The following RPH3AL variants were observed in gnomAD, a reference collection of about 807,000 sequenced individuals.
The protein encoded by RPH3AL is rabphilin 3A like (without C2 domains).
A neutral mutation model predicts 43.1 loss-of-function variants in RPH3AL; 38 were observed. The ratio of observed to expected loss-of-function variants is 0.88; its 90% CI spans 0.68 to 1.15. The LOEUF is 1.15. Ranked by LOEUF, RPH3AL falls within the 50% of genes most tolerant of loss-of-function variation. RPH3AL has a pLI of 0.00. For missense variants in RPH3AL, 462 were observed against 423.2 expected (o/e 1.09, Z -0.81); for synonymous variants, 189 against 176.3 (o/e 1.07, Z -0.57).
intron 6 of RPH3AL, among the ~76,000 whole-genome samples, chr17:250,381 C>A (rs1191145265): frequency 2.8e-5 from 4 of 145,304 alleles, no homozygotes; most frequent in Admixed American, 6.8e-5. Flanking sequence ...CGCTGCGGGA[C>A]CTCTCAGAGC....
chr17:349,416 C>G (rs1399328299), intron 1 of RPH3AL: 4 of 152,172 alleles, frequency 2.6e-5, no homozygotes, highest in African/African-American at 9.7e-5. Flanking sequence ...CCCATTTCAC[C>G]CACATCTCCC....
chr17:232,965 A>G (rs987071566), intron 7 of RPH3AL, among the ~76,000 whole-genome samples: 1 of 151,716 alleles, frequency 6.6e-6, no homozygotes, highest in African/African-American at 2.4e-5. Context: ...TGCAGGGAGG[A>G]AAATGAACAG....
In RPH3AL at chr17:336,286, G is replaced by A. The variant is rs1048342696; in HGVS notation, c.-212-2352C>T. Among the ~76,000 whole-genome samples the A allele has an allele frequency of 6.6e-5, 10 of 152,198 alleles. No homozygotes were observed. In the East Asian group the frequency reaches 1.5e-3, roughly 23 times the overall value. ...ACATTTCCTCCACCTGTCAGGCGGC[G>A]CTGGGAGGATTAAAGACTCAGAGAG... On this transcript the variant is annotated intron_variant, in intron 1 of 9. Transcript: ENST00000331302.
rs2045245673 is a variant in RPH3AL, at chr17:346,834, T to C, written c.-213+5878A>G. Among the ~76,000 whole-genome samples, 2 of 136,074 alleles carry C rather than the reference T, an allele frequency of 1.5e-5. 1 individual carries two copies. The highest frequency in any genetic ancestry group is 3.4e-5 in the Non-Finnish European group (2 of 59,656). The allele number at this position is 136,074 out of a possible 152,430, so 89.3% of individuals were successfully genotyped here. A position where few individuals can be genotyped will look rare whatever the true frequency, so the allele number is the denominator to read the frequency against. On this transcript the variant is annotated intron_variant, in intron 1 of 9. Coordinates refer to ENST00000331302, the MANE Select transcript of RPH3AL (RefSeq NM_006987.4). ...CAATGAAAAGATGTCCAACATGATA[T>C]GTAATTAGGGAATTGCAAATTAAAA... is the stretch of plus-strand genomic sequence containing the variant.
intron 6 of RPH3AL, among the ~76,000 whole-genome samples, chr17:269,835 G>A (rs1364013752): frequency 6.6e-6 from 1 of 152,198 alleles, no homozygotes; most frequent in Admixed American, 6.5e-5. Context: ...TGCCTCAGAG[G>A]CAAACTTCTC....
At chr17:269,357 G>A (rs1320139205) in intron 6 of RPH3AL, among the ~76,000 whole-genome samples, 3 of 152,104 alleles carry the variant, frequency 2.0e-5, no homozygotes, top group Admixed American at 2.0e-4. Flanking sequence ...TTGCTTATTT[G>A]TTTATGTTTC....
At chr17:317,589 G>A (rs919656630) in intron 5 of RPH3AL, among the ~76,000 whole-genome samples, 5 of 152,074 alleles carry the variant, frequency 3.3e-5, no homozygotes, top group East Asian at 1.9e-4. Flanking sequence ...CAAGGCTGAA[G>A]GAGGAGCCCG....
At chr17:314,517 G>A (rs1487086448) in intron 5 of RPH3AL, among the ~76,000 whole-genome samples, 3 of 134,728 alleles carry the variant, frequency 2.2e-5, no homozygotes, top group Non-Finnish European at 4.7e-5. Context: ...CCATTGACCT[G>A]TAGTCCCTGT....
intron 6 of RPH3AL, among the ~76,000 whole-genome samples, chr17:260,341 C>G (rs1257656460): frequency 6.6e-6 from 1 of 152,198 alleles, no homozygotes; most frequent in Non-Finnish European, 1.5e-5. Flanking sequence ...GGCTGGAGCT[C>G]AGACTCGCCC....
chr17:282,339 G>A (rs1019213525), intron 5 of RPH3AL, among the ~76,000 whole-genome samples: 1 of 152,228 alleles, frequency 6.6e-6, no homozygotes, highest in Non-Finnish European at 1.5e-5. Flanking sequence ...AGAAATGCTG[G>A]TAACAACGTG....
chr17:224,991 C>T (rs8065720), intron 7 of RPH3AL, among the ~76,000 whole-genome samples: 54,244 of 145,794 alleles, frequency 0.37, 10,640 homozygotes, highest in East Asian at 0.51. Context: ...GGAGGGATAG[C>T]GTTAGGAGAT....
At chr17:235,011 A>G (rs977009541) in intron 7 of RPH3AL, among the ~76,000 whole-genome samples, 1 of 152,234 alleles carries the variant, frequency 6.6e-6, no homozygotes, top group African/African-American at 2.4e-5. Flanking sequence ...GTCAGGAAAC[A>G]GCATATGCGT....
chr17:339,839 C>T (rs909946417), intron 1 of RPH3AL, among the ~76,000 whole-genome samples: 15 of 152,180 alleles, frequency 9.9e-5, no homozygotes, highest in Admixed American at 9.8e-4. Context: ...GTAAGTCGCG[C>T]AGTAATTGGC....
chr17:289,015 C>T lies in RPH3AL; in HGVS notation c.352-7161G>A, dbSNP rs1292208915. 1.3e-5 allele frequency among the ~76,000 whole-genome samples: 2 copies of T among 152,196 alleles called. No homozygotes were observed. Among genetic ancestry groups the T allele is most frequent in the East Asian group, 1.9e-4 (1 of 5,200 alleles). On this transcript the variant is annotated intron_variant, in intron 5 of 9. Coordinates refer to ENST00000331302, the MANE Select transcript of RPH3AL (RefSeq NM_006987.4). This position sits in a 1 kb window ranked among gnomAD's most constrained non-coding sequence, Gnocchi z 5.2. ...TGCAAAGAAATGTATATTCTCTCTA[C>T]CCCCAAGAACACAGGGGAGGGGGTT...
chr17:213,944 CA>C (rs1306172277), intron 9 of RPH3AL, 21 bp from the exon 10 acceptor site: 3 of 1,600,698 alleles, frequency 1.9e-6, no homozygotes, highest in African/African-American at 1.3e-5. Context: ...GAGAAAAGGC[CA>C]CCACATGGTG....
At chr17:267,144 T>C (rs1316955454) in intron 6 of RPH3AL, among the ~76,000 whole-genome samples, 4 of 152,218 alleles carry the variant, frequency 2.6e-5, no homozygotes. Context: ...CCTCTCCCTT[T>C]GTCCAGATGC....
At chr17:244,228 CCCTTCCTCTATTGATTA>C (rs1274822913) in intron 7 of RPH3AL, among the ~76,000 whole-genome samples, 35 of 147,254 alleles carry the variant, frequency 2.4e-4, no homozygotes, top group African/African-American at 3.7e-4. Context: ...CTATTGATTA[CCCTTCCTCTATTGATTA>C]CCTTCCTCTA....
chr17:305,091 GGAGGGGGACAGGGCGA>G (rs1567631545), intron 5 of RPH3AL, among the ~76,000 whole-genome samples: 3 of 74,036 alleles, frequency 4.1e-5, no homozygotes, highest in African/African-American at 1.5e-4. Context: ...GGACAGGGCG[GGAGGGGGACAGGGCGA>G]GAGGGGACAG....
chr17:243,729 A>G (rs2041656473), intron 7 of RPH3AL, among the ~76,000 whole-genome samples: 1 of 126,166 alleles, frequency 7.9e-6, no homozygotes, highest in Admixed American at 8.2e-5. Context: ...CCCTTCCTCT[A>G]TTGATTACCT....
Sources: gnomAD v4.1 joint callset for allele counts (sites outside exome capture counted in the v4.1 genomes callset) on GRCh38, gnomAD v4.1.1 for gene constraint, Gnocchi (gnomAD v3.1) non-coding constraint, MANE v1.5 for transcripts, NCBI Gene and HGNC (gene_info 2026-07-23, HGNC 2026-07-21) for gene names.